Variants in DCC observed in about 807,000 individuals in gnomAD.
DCC encodes DCC netrin 1 receptor, also known as netrin receptor DCC.
DCC carries 58 observed loss-of-function variants against 172.5 expected under a neutral mutation model. The ratio of observed to expected loss-of-function variants is 0.34; its 90% confidence interval spans 0.27 to 0.42. The LOEUF is 0.42. DCC is among the 10% of genes least tolerant of loss of function. DCC has a pLI of 1.00. For missense variants in DCC, 1,740 were observed against 1,791.0 expected (o/e 0.97, Z 0.51); for synonymous variants, 709 against 644.5 (o/e 1.10, Z -1.52).
chr18:52,548,425 A>C (rs1044946625), intron 1 of DCC, among the ~76,000 whole-genome samples: 1 of 152,122 alleles, frequency 6.6e-6, no homozygotes, highest in African/African-American at 2.4e-5. Flanking sequence ...AGGCTAAAAC[A>C]GGGGCACTGC....
At chr18:53,029,479 A>T (rs1016212973) in intron 5 of DCC, among the ~76,000 whole-genome samples, 2 of 152,170 alleles carry the variant, frequency 1.3e-5, no homozygotes, top group Non-Finnish European at 2.9e-5. Flanking sequence ...AGAGTCAATT[A>T]TACCTTCTCC....
At chr18:52,722,859 GT>G (rs1326421171) in intron 1 of DCC, among the ~76,000 whole-genome samples, 85 of 152,208 alleles carry the variant, frequency 5.6e-4, no homozygotes, top group African/African-American at 2.0e-3. Flanking sequence ...CCTCCTTTTG[GT>G]GGGTTATATT....
chr18:52,472,935 G>T (rs918762377), intron 1 of DCC, among the ~76,000 whole-genome samples: 1 of 151,962 alleles, frequency 6.6e-6, no homozygotes, highest in Non-Finnish European at 1.5e-5. Flanking sequence ...TTAAATTAAA[G>T]ACCCTTAATT....
chr18:52,481,017 T>A (rs926950242), intron 1 of DCC, among the ~76,000 whole-genome samples: 1 of 152,202 alleles, frequency 6.6e-6, no homozygotes, highest in Non-Finnish European at 1.5e-5. Flanking sequence ...AAAAAAACTA[T>A]TACTTTTAAC....
Position 52,850,999 on chromosome 18 carries a change from A to G in DCC, c.413-55045A>G, listed in dbSNP as rs927117481. ...CCTTTTTGAAAGTTCTTATGTTTCT[A>G]TTAATGAACAATTAAACGGTATTTG... On this transcript the variant is annotated intron_variant, in intron 2 of 28. Coordinates refer to ENST00000442544, the MANE Select transcript of DCC (RefSeq NM_005215.4). 4.6e-5 allele frequency among the ~76,000 whole-genome samples: 7 copies of G among 152,056 alleles called. No homozygotes were observed. In the East Asian group the frequency reaches 9.7e-4, roughly 21 times the overall value.
chr18:52,362,991 C>T (rs1011540900), intron 1 of DCC, among the ~76,000 whole-genome samples: 2 of 150,990 alleles, frequency 1.3e-5, no homozygotes, highest in Non-Finnish European at 2.9e-5. Flanking sequence ...CTCTGCCTTC[C>T]GGGTTCAAGC....
At chr18:52,802,630 C>A (rs1310474891) in intron 2 of DCC, among the ~76,000 whole-genome samples, 22 of 133,666 alleles carry the variant, frequency 1.6e-4, no homozygotes, top group Non-Finnish European at 2.3e-4. Context: ...AGGTACACAT[C>A]ACCACGCCAA....
intron 1 of DCC, among the ~76,000 whole-genome samples, chr18:52,370,170 G>A (rs552965520): frequency 1.3e-5 from 2 of 152,206 alleles, no homozygotes; most frequent in Non-Finnish European, 2.9e-5. Flanking sequence ...ACAGTGTGGC[G>A]ATTCCTCGAA....
chr18:52,625,742 C>T (rs74434124), intron 1 of DCC, among the ~76,000 whole-genome samples: 1 of 152,150 alleles, frequency 6.6e-6, no homozygotes, highest in African/African-American at 2.4e-5. Context: ...ATTTCCCATT[C>T]ACTCTGAGCC....
chr18:52,522,067 G>T (rs1439296252), intron 1 of DCC, among the ~76,000 whole-genome samples: 1 of 152,128 alleles, frequency 6.6e-6, no homozygotes, highest in Non-Finnish European at 1.5e-5. Context: ...TGATGACTTA[G>T]TTGAAAAACT....
intron 2 of DCC, among the ~76,000 whole-genome samples, chr18:52,878,140 G>T (rs2039429781): frequency 6.6e-6 from 1 of 151,898 alleles, no homozygotes; most frequent in African/African-American, 2.4e-5. Flanking sequence ...GCTTCATCAG[G>T]CCATGTAAAC....
intron 1 of DCC, among the ~76,000 whole-genome samples, chr18:52,474,022 T>A (rs933581236): frequency 6.6e-6 from 1 of 151,672 alleles, no homozygotes; most frequent in African/African-American, 2.4e-5. Flanking sequence ...AGGCAAACTT[T>A]AAAAAAAATA....
Position 53,439,922 on chromosome 18 carries a change from G to A in DCC, c.3229+4713G>A, listed in dbSNP as rs895827540. 5.6e-4 allele frequency among the ~76,000 whole-genome samples: 85 copies of A among 150,828 alleles called. No homozygotes were observed. The South Asian group carries it at 0.017, about 30-fold the overall frequency. ...TGGGACTACAGGCGCCCGCCACTAC[G>A]CCCGGCTAATTTTTTTGTATTTTTA... On this transcript the variant is annotated intron_variant, in intron 22 of 28. Coordinates refer to ENST00000442544, the MANE Select transcript of DCC (RefSeq NM_005215.4).
intron 13 of DCC, among the ~76,000 whole-genome samples, chr18:53,309,941 TATAC>T (rs1180361402): frequency 5.4e-5 from 7 of 129,810 alleles, no homozygotes; most frequent in Admixed American, 1.7e-4. Context: ...TATATATATA[TATAC>T]ATGTATATAT....
intron 13 of DCC, among the ~76,000 whole-genome samples, chr18:53,306,519 C>T (rs1243604893): frequency 6.6e-6 from 1 of 152,180 alleles, no homozygotes; most frequent in Non-Finnish European, 1.5e-5. Context: ...TGCTAGGTCT[C>T]CTGGGTGTCT....
At chr18:53,235,727 T>G (rs1178795492) in intron 12 of DCC, among the ~76,000 whole-genome samples, 1 of 152,076 alleles carries the variant, frequency 6.6e-6, no homozygotes, top group Non-Finnish European at 1.5e-5. Context: ...TCTCCAGAAC[T>G]TTTTCATCAT....
intron 1 of DCC, among the ~76,000 whole-genome samples, chr18:52,572,791 C>T (rs910867005): frequency 6.6e-6 from 1 of 152,136 alleles, no homozygotes; most frequent in Admixed American, 6.6e-5. Context: ...GAGGGAGACT[C>T]CTTACATTAG....
In DCC at chr18:53,486,934, G is replaced by A; in HGVS notation, c.3874G>A (p.Gly1292Ser). 1 of 1,614,166 alleles carries A rather than the reference G, an allele frequency of 6.2e-7. No individual in the cohort carries two copies. The highest frequency in any genetic ancestry group is 1.3e-5 in the African/African-American group (1 of 75,040). ...VPFPTLSVDR[G>S]FGAGRSQSVS... ...ATTCCCAACACTCTCAGTGGACCGA[G>A]GTTTCGGAGCAGGAAGAAGTCAGTG... is the stretch of plus-strand genomic sequence containing the variant. Residue 1292 changes from glycine to serine, a missense_variant, in exon 26 of 29, where the codon GGT (glycine) becomes AGT (serine). Coordinates refer to ENST00000442544, the MANE Select transcript of DCC (RefSeq NM_005215.4).
At chr18:53,456,888 C>T (rs552491703) in intron 23 of DCC, among the ~76,000 whole-genome samples, 2 of 152,304 alleles carry the variant, frequency 1.3e-5, no homozygotes, top group African/African-American at 4.8e-5. Context: ...AGACAAATTT[C>T]AGACAATTTA....
Sources: gnomAD v4.1 joint callset for allele counts (sites outside exome capture counted in the v4.1 genomes callset) on GRCh38, gnomAD v4.1.1 for gene constraint, MANE v1.5 for transcripts, NCBI Gene and HGNC (gene_info 2026-07-23, HGNC 2026-07-21) for gene names.